The following CSF1R variants were observed in gnomAD, a reference collection of about 807,000 sequenced individuals.
CSF1R encodes macrophage colony-stimulating factor 1 receptor.
In CSF1R, 40 loss-of-function variants were observed where a neutral mutation model predicts 110.0. That is an observed-to-expected ratio of 0.36 (90% CI 0.28 to 0.47). CSF1R has a LOEUF of 0.47. CSF1R is among the 20% of genes least tolerant of loss of function. The probability of loss-of-function intolerance (pLI) is 0.99; values close to 1 mark genes in which losing one functional copy is unlikely to be tolerated. For synonymous variants in CSF1R, 523 were observed against 503.4 expected, an observed-to-expected ratio of 1.04 and a Z score of -0.52; for missense variants, 1,052 against 1,253.0, an observed-to-expected ratio of 0.84 and a Z score of 2.42.
intron 1 of CSF1R, among the ~76,000 whole-genome samples, chr5:150,085,822 G>A (rs962176630): frequency 6.6e-6 from 1 of 152,030 alleles, no homozygotes; most frequent in Non-Finnish European, 1.5e-5. Context: ...TAGAATCATC[G>A]AATCACAGGC....
intron 1 of CSF1R, among the ~76,000 whole-genome samples, chr5:150,109,571 C>T (rs991704388): frequency 6.6e-6 from 1 of 152,218 alleles, no homozygotes; most frequent in African/African-American, 2.4e-5. Flanking sequence ...CCACTTATGA[C>T]TTTTCTCAAT....
chr5:150,105,362 A>T (rs1759518610), intron 1 of CSF1R, among the ~76,000 whole-genome samples: 1 of 98,168 alleles, frequency 1.0e-5, no homozygotes, highest in Non-Finnish European at 2.0e-5. Context: ...AAAAAAAAAA[A>T]AATATATATA....
chr5:150,070,350 C>G, intron 7 of CSF1R, 48 bp from the exon 8 acceptor site: 1 of 1,601,678 alleles, frequency 6.2e-7, no homozygotes, highest in Non-Finnish European at 8.5e-7. Flanking sequence ...CCCGCCACCT[C>G]CCAATCTCCC....
chr5:150,085,911 C>T (rs1758823703), intron 1 of CSF1R, among the ~76,000 whole-genome samples: 1 of 151,594 alleles, frequency 6.6e-6, no homozygotes, highest in African/African-American at 2.4e-5. Context: ...GTGCCGGCAT[C>T]TCACATCTCC....
Position 150,077,329 on chromosome 5 carries a change from A to T in CSF1R, c.836T>A (p.Val279Glu), listed in dbSNP as rs2113824220. ...GTGCTTGCCCTGCACGTTGCTGGCCACGCAGGAGTAGTTGCCGGCATGTTG... is the reference window on the plus strand; with the variant it reads ...GTGCTTGCCCTGCACGTTGCTGGCCTCGCAGGAGTAGTTGCCGGCATGTTG... ...DFQHAGNYSC[V>E]ASNVQGKHST... Residue 279 changes from valine to glutamate, a missense_variant, in exon 5 of 21, where the codon GTG becomes GAG. By Grantham distance (121) the Val-to-Glu change is moderately radical (BLOSUM62 -2). This residue lies in a region of CSF1R where 693 missense variants were observed against 735.4 expected (regional missense o/e 0.94). Coordinates refer to ENST00000675795, the MANE Select transcript of CSF1R (RefSeq NM_001288705.3). 1 of 1,614,250 alleles carries T rather than the reference A, an allele frequency of 6.2e-7. No individual in the cohort carries two copies. Among genetic ancestry groups the T allele is most frequent in the Non-Finnish European group, 8.5e-7 (1 of 1,180,048 alleles).
Position 150,054,134 on chromosome 5 carries a change from T to C in CSF1R, c.2854A>G (p.Thr952Ala). The change falls in exon 21 of 21, where the codon ACC (threonine) becomes GCC (alanine). Residue 952 changes from threonine to alanine, a missense_variant. By Grantham distance (58) the Thr-to-Ala change is moderately conservative. Around this residue, in one of 5 missense-constraint regions of CSF1R, gnomAD observed 85 missense variants for 78.8 expected, o/e 1.08. Coordinates refer to ENST00000675795, the MANE Select transcript of CSF1R (RefSeq NM_001288705.3). ...GCGATATCCCCTTGCTCGCAGCAGGTCAGGTGCTCACTAGAGCTCTCCTCC... is the reference window on the plus strand; with the variant it reads ...GCGATATCCCCTTGCTCGCAGCAGGCCAGGTGCTCACTAGAGCTCTCCTCC... Reference protein sequence around the residue: ...LEEESSSEHLTCCEQGDIAQP... With the variant: ...LEEESSSEHLACCEQGDIAQP... The C allele has an allele frequency of 2.5e-6, 4 of 1,613,966 alleles. No individual in the cohort carries two copies. Among genetic ancestry groups the C allele is most frequent in the Non-Finnish European group, 3.4e-6 (4 of 1,179,976 alleles).
chr5:150,088,082 A>G (rs1758914718), upstream of CSF1R, among the ~76,000 whole-genome samples: 1 of 152,180 alleles, frequency 6.6e-6, no homozygotes, highest in African/African-American at 2.4e-5. Context: ...ACATTGATCC[A>G]GGAAAATGAT....
intron 6 of CSF1R, 103 bp downstream of exon 6, chr5:150,073,198 G>T: frequency 2.6e-6 from 3 of 1,171,288 alleles, no homozygotes; most frequent in African/African-American, 1.5e-5. Context: ...ACTTGCTCAA[G>T]GTCATACACC....
chr5:150,059,480 A>G (rs1470299733), intron 14 of CSF1R, among the ~76,000 whole-genome samples: 1 of 152,208 alleles, frequency 6.6e-6, no homozygotes, highest in Non-Finnish European at 1.5e-5. Flanking sequence ...CTCCCAGAAC[A>G]CGGTAGGTGT....
chr5:150,107,634 A>T lies in CSF1R; in HGVS notation c.-181+5627T>A, dbSNP rs183045979. Among the ~76,000 whole-genome samples, 124 of 152,368 alleles carry T rather than the reference A, an allele frequency of 8.1e-4. No homozygotes were observed. In the Middle Eastern group the frequency reaches 0.041, roughly 50 times the overall value. The stretch of plus-strand genomic sequence containing the variant: ...CCTGGAACCCAGAGCCAGAGCCCAC[A>T]TGTTCAACCACTGTCTTTCATCAAT... On this transcript the variant is annotated intron_variant, in intron 1 of 21. Transcript: ENST00000286301.
Position 150,061,062 on chromosome 5 carries a change from G to C in CSF1R, c.1859-90C>G, listed in dbSNP as rs894800297. The C allele has an allele frequency of 6.4e-6, 6 of 934,620 alleles. 1 individual carries two copies. In the Admixed American group the frequency reaches 1.3e-4, roughly 20 times the overall value. 57.9% of individuals were successfully genotyped at this position (934,620 alleles called of 1,614,324 possible). On this transcript the variant is annotated intron_variant, in intron 12 of 20. Coordinates refer to ENST00000675795, the MANE Select transcript of CSF1R (RefSeq NM_001288705.3). Reference sequence around the variant, plus strand: ...CATGGGGACCAAATGCAGAGACCCAGGGGAGAAAGCAGGGCATACCCCAAG... The same window carrying C: ...CATGGGGACCAAATGCAGAGACCCACGGGAGAAAGCAGGGCATACCCCAAG...
At chr5:150,109,045 C>A (rs1446288214) in intron 1 of CSF1R, among the ~76,000 whole-genome samples, 1 of 113,412 alleles carries the variant, frequency 8.8e-6, no homozygotes, top group East Asian at 3.0e-4. Flanking sequence ...AACCCCATCC[C>A]AAGGAGAAGC....
chr5:150,053,305 C>CTGT lies in CSF1R; in HGVS notation c.*761_*763dup. ...GAACCAGAGGCTGACTGCATTAATG[C>CTGT]TGTTAGTTTAATGTGGACAGAGACA... On this transcript the variant is annotated 3_prime_UTR_variant, in exon 21 of 21. Transcript: ENST00000675795. The CTGT allele has an allele frequency of 4.3e-6, 1 of 232,860 alleles. No homozygotes were observed. The highest frequency in any genetic ancestry group is 5.6e-5 in the Admixed American group (1 of 17,780). The allele number at this position is 232,860 out of a possible 1,614,324, so 14.4% of individuals were successfully genotyped here. A position where few individuals can be genotyped will look rare whatever the true frequency, so the allele number is the denominator to read the frequency against.
chr5:150,103,864 G>C (rs11749913), intron 1 of CSF1R, among the ~76,000 whole-genome samples: 47,649 of 152,080 alleles, frequency 0.31, 7,579 homozygotes, highest in East Asian at 0.44. Flanking sequence ...CAACCTGGCA[G>C]GGTGCCAGGG....
At chr5:150,061,077 C>T in intron 12 of CSF1R, 105 bp from the exon 13 acceptor site, 4 of 800,230 alleles carry the variant, frequency 5.0e-6, no homozygotes, top group Non-Finnish European at 6.1e-6. Context: ...GAAAGCAGGG[C>T]ATACCCCAAG....
At chr5:150,100,805 GA>G (rs962675750) in intron 1 of CSF1R, among the ~76,000 whole-genome samples, 9 of 148,642 alleles carry the variant, frequency 6.1e-5, no homozygotes, top group East Asian at 3.9e-4. Flanking sequence ...GCTCAAACTG[GA>G]AAAAAAAATG....
intron 6 of CSF1R, 84 bp from the exon 7 acceptor site, chr5:150,070,655 G>T: frequency 1.0e-6 from 1 of 960,094 alleles, no homozygotes; most frequent in Middle Eastern, 2.4e-4. Context: ...CAGCCTTAAA[G>T]GGGTTTATTT....
At chr5:150,088,579 G>C (rs1011247883), upstream of CSF1R, among the ~76,000 whole-genome samples, 11 of 151,340 alleles carry the variant, frequency 7.3e-5, no homozygotes, top group African/African-American at 2.7e-4. Context: ...TGTCACTCAG[G>C]CTGGAGTGCA....
Position 150,068,383 on chromosome 5 carries a change from T to TGAG in CSF1R, c.1511-56_1511-54dup, listed in dbSNP as rs1315336139. On this transcript the variant is annotated intron_variant, in intron 9 of 20. Transcript: ENST00000675795. ...CAGGCAGGGGTGCCTCCGAGCCCCC[T>TGAG]GAGGTCAGGCCTGCACACTGCCTGG... 3.7e-6 allele frequency: 5 copies of TGAG among 1,345,420 alleles called. No homozygotes were observed. The African/African-American group carries it at 4.3e-5, about 12-fold the overall frequency. 83.3% of individuals were successfully genotyped at this position (1,345,420 alleles called of 1,614,324 possible).
Sources: allele counts gnomAD v4.1 joint callset (sites outside exome capture counted in the v4.1 genomes callset), GRCh38; gene constraint gnomAD v4.1.1; regional missense constraint gnomAD v4.1.1; transcripts MANE v1.5; gene names NCBI Gene and HGNC (gene_info 2026-07-23, HGNC 2026-07-21).